Variants in ABTB3 observed in about 807,000 individuals in gnomAD.
The protein encoded by ABTB3 is ankyrin repeat and BTB domain containing 3.
chr12:107,373,380 A>G, the ABTB3 span, among the ~76,000 whole-genome samples: 1 of 152,150 alleles, frequency 6.6e-6, no homozygotes. Flanking sequence ...CAGAGAAGCC[A>G]TTAGCTTGAA....
At chr12:107,624,475 C>G in the ABTB3 span, among the ~76,000 whole-genome samples, 1 of 152,074 alleles carries the variant, frequency 6.6e-6, no homozygotes, top group Admixed American at 6.6e-5. Context: ...TCATGTTGCC[C>G]TTTTATAACC....
chr12:107,548,823 T>C, the ABTB3 span, among the ~76,000 whole-genome samples: 1 of 152,220 alleles, frequency 6.6e-6, no homozygotes, highest in Non-Finnish European at 1.5e-5. Context: ...CCTGTATCAT[T>C]ACCGGAAATA....
At chr12:107,472,360 C>T in the ABTB3 span, among the ~76,000 whole-genome samples, 34 of 152,286 alleles carry the variant, frequency 2.2e-4, no homozygotes, top group African/African-American at 7.0e-4. Flanking sequence ...AGAGCAAACA[C>T]AGGACCAAGG....
the ABTB3 span, among the ~76,000 whole-genome samples, chr12:107,416,576 CACTT>C: frequency 5.3e-5 from 8 of 152,200 alleles, no homozygotes; most frequent in East Asian, 1.9e-4. Flanking sequence ...AGGAGTAACT[CACTT>C]ACAGTTGAAC....
the ABTB3 span, among the ~76,000 whole-genome samples, chr12:107,608,766 G>T: frequency 6.6e-6 from 1 of 151,800 alleles, no homozygotes; most frequent in South Asian, 2.1e-4. Context: ...AGCTACTGGG[G>T]TAAGTAAGGC....
the ABTB3 span, among the ~76,000 whole-genome samples, chr12:107,517,861 C>T: frequency 2.0e-5 from 3 of 152,116 alleles, no homozygotes; most frequent in African/African-American, 7.2e-5. Context: ...TTGCAATCTA[C>T]TCATCTGACA....
the ABTB3 span, among the ~76,000 whole-genome samples, chr12:107,558,097 T>C: frequency 6.6e-6 from 1 of 151,986 alleles, no homozygotes; most frequent in Admixed American, 6.6e-5. Flanking sequence ...CATTTGAGGA[T>C]TGGAAATTGG....
At chr12:107,610,552 T>C in the ABTB3 span, 12 of 578,716 alleles carry the variant, frequency 2.1e-5, no homozygotes, top group African/African-American at 1.9e-4. Flanking sequence ...TTCATCTTTA[T>C]AGAAGTAGCA....
the ABTB3 span, among the ~76,000 whole-genome samples, chr12:107,418,770 T>C: frequency 6.6e-6 from 1 of 152,232 alleles, no homozygotes; most frequent in Non-Finnish European, 1.5e-5. Context: ...ACTCAGATAT[T>C]CAGTTAGAGT....
chr12:107,653,065 C>T, the ABTB3 span, among the ~76,000 whole-genome samples: 1 of 152,214 alleles, frequency 6.6e-6, no homozygotes, highest in African/African-American at 2.4e-5. Flanking sequence ...TGAGCCATCG[C>T]ACCCAGCCAA....
the ABTB3 span, among the ~76,000 whole-genome samples, chr12:107,486,960 A>G: frequency 1.3e-5 from 2 of 152,298 alleles, no homozygotes; most frequent in African/African-American, 4.8e-5. Context: ...GTTTGAACCC[A>G]GGTAGTCTGG....
the ABTB3 span, among the ~76,000 whole-genome samples, chr12:107,459,621 A>AAGAATAT: frequency 6.6e-6 from 1 of 152,198 alleles, no homozygotes; most frequent in Non-Finnish European, 1.5e-5. Flanking sequence ...CTTCTGGGGG[A>AAGAATAT]AGAATATTAC....
chr12:107,651,770 A>G, the ABTB3 span: 2 of 1,613,754 alleles, frequency 1.2e-6, no homozygotes, highest in South Asian at 2.2e-5. Context: ...CTGTGTGGAT[A>G]TTTACAACCA....
chr12:107,328,350 G>A, the ABTB3 span, among the ~76,000 whole-genome samples: 11 of 152,282 alleles, frequency 7.2e-5, no homozygotes, highest in South Asian at 4.1e-4. Flanking sequence ...AATGTGAAAC[G>A]TTGATCCTAG....
chr12:107,434,378 G>A, the ABTB3 span, among the ~76,000 whole-genome samples: 3 of 152,194 alleles, frequency 2.0e-5, no homozygotes, highest in Non-Finnish European at 4.4e-5. Flanking sequence ...TAAGTCAAGG[G>A]CATGTGGGCG....
the ABTB3 span, among the ~76,000 whole-genome samples, chr12:107,400,546 C>T: frequency 6.6e-6 from 1 of 152,102 alleles, no homozygotes. Flanking sequence ...TGAATTTCGC[C>T]TTTTCTAGCC....
chr12:107,557,531 A>C, the ABTB3 span, among the ~76,000 whole-genome samples: 1 of 152,130 alleles, frequency 6.6e-6, no homozygotes. Context: ...ATTTTATTTT[A>C]ATTTTTTTCA....
the ABTB3 span, among the ~76,000 whole-genome samples, chr12:107,393,339 G>A: frequency 1.6e-5 from 2 of 125,604 alleles, no homozygotes; most frequent in Admixed American, 8.5e-5. Flanking sequence ...CAGGCAGGGT[G>A]GGGGTGGGGG....
the ABTB3 span, among the ~76,000 whole-genome samples, chr12:107,464,869 G>A: frequency 2.0e-5 from 3 of 152,100 alleles, no homozygotes; most frequent in Non-Finnish European, 4.4e-5. Flanking sequence ...GGGGAGAGAG[G>A]TGATGTTACC....
Sources: allele counts gnomAD v4.1 joint callset (sites outside exome capture counted in the v4.1 genomes callset), GRCh38; gene constraint gnomAD v4.1.1; transcripts MANE v1.5; gene names NCBI Gene and HGNC (gene_info 2026-07-23, HGNC 2026-07-21).